SCGB3A1: variants seen among roughly 807,000 people sequenced by gnomAD.
SCGB3A1 encodes the protein secretoglobin family 3A member 1, also known as cytokine HIN-1.
Under a neutral mutation model 7.6 loss-of-function variants are expected in SCGB3A1, and 7 were observed. The ratio of observed to expected loss-of-function variants is 0.93; its 90% CI spans 0.53 to 1.74. SCGB3A1 has a LOEUF of 1.74. SCGB3A1 is among the 40% of genes most tolerant of loss of function. The probability of loss-of-function intolerance (pLI) is 0.00; values close to 1 mark genes in which losing one functional copy is unlikely to be tolerated. For missense variants in SCGB3A1, 119 were observed against 129.0 expected (o/e 0.92, Z 0.38); for synonymous variants, 67 against 66.6 (o/e 1.01, Z -0.03).
At chr5:180,590,921 C>T in intron 1 of SCGB3A1, 83 bp from the exon 2 acceptor site, 6 of 1,036,416 alleles carry the variant, frequency 5.8e-6, no homozygotes, top group Non-Finnish European at 4.1e-6. Context: ...GCGGGAGGCG[C>T]CCAGGAACCG....
intron 1 of SCGB3A1, chr5:180,591,158 C>A (rs1355463398): frequency 4.9e-6 from 2 of 405,562 alleles, no homozygotes; most frequent in African/African-American, 4.2e-5. Context: ...GATGAGGAGC[C>A]GGTCTCCAGA....
rs1561676977 is a variant in SCGB3A1 at position 180,590,134 on chromosome 5, CG to C, written c.*96del. The C allele has an allele frequency of 3.0e-6, 4 of 1,350,014 alleles. No homozygotes were observed. The highest frequency in any genetic ancestry group is 4.2e-6 in the Non-Finnish European group (4 of 962,934). The allele number at this position is 1,350,014 out of a possible 1,614,324, so 83.6% of individuals were successfully genotyped here. A position where few individuals can be genotyped will look rare whatever the true frequency, so the allele number is the denominator to read the frequency against. The stretch of plus-strand genomic sequence containing the variant: ...CTTAACCACGTTTATTGAGAGGGGC[CG>C]GGGGAAGGGGATGGACGGTCCTCCC... On this transcript the variant is annotated 3_prime_UTR_variant, in exon 3 of 3. Transcript: ENST00000292641.
At chr5:180,590,319 G>T in intron 2 of SCGB3A1, 65 bp from the exon 3 acceptor site, 1 of 1,545,102 alleles carries the variant, frequency 6.5e-7, no homozygotes. Flanking sequence ...GCGGGGGCGC[G>T]GCAGCGGCCG....
At chr5:180,591,244 G>A in intron 1 of SCGB3A1, 167 bp downstream of exon 1, 1 of 467,916 alleles carries the variant, frequency 2.1e-6, no homozygotes, top group Non-Finnish European at 3.4e-6. Flanking sequence ...CCTGAGAGGG[G>A]GAGGCCGCGG....
Position 180,590,106 on chromosome 5 carries a change from G to T in SCGB3A1, c.*125C>A. 2.7e-6 allele frequency: 3 copies of T among 1,110,424 alleles called. No individual in the cohort carries two copies. The highest frequency in any genetic ancestry group is 2.0e-5 in the Admixed American group (1 of 49,932). 68.8% of individuals were successfully genotyped at this position (1,110,424 alleles called of 1,614,324 possible). ...GATGAGAAAATACCAGGCTCGAGCT[G>T]CTCTTAACCACGTTTATTGAGAGGG... On this transcript the variant is annotated 3_prime_UTR_variant, in exon 3 of 3. Coordinates refer to ENST00000292641, the MANE Select transcript of SCGB3A1 (RefSeq NM_052863.3).
chr5:180,591,267 G>GA lies in SCGB3A1; in HGVS notation c.52+143_52+144insT, dbSNP rs1400256674. 9.5e-6 allele frequency: 6 copies of GA among 631,570 alleles called. No homozygotes were observed. The East Asian group carries it at 1.9e-4, about 20-fold the overall frequency. The allele number at this position is 631,570 out of a possible 1,614,324, so 39.1% of individuals were successfully genotyped here. On this transcript the variant is annotated intron_variant, in intron 1 of 2. Coordinates refer to ENST00000292641, the MANE Select transcript of SCGB3A1 (RefSeq NM_052863.3). Reference sequence around the variant, plus strand: ...GGGGAGGCCGCGGGCTGCAGGCGCGGGGCCCCGGGGTGGCGGAGCCCTCTG... The same window carrying GA: ...GGGGAGGCCGCGGGCTGCAGGCGCGGAGGCCCCGGGGTGGCGGAGCCCTCTG...
chr5:180,591,027 CCCG>C (rs1554106025), intron 1 of SCGB3A1, 189 bp from the exon 2 acceptor site: 1 of 532,752 alleles, frequency 1.9e-6, no homozygotes, highest in Non-Finnish European at 3.2e-6. Flanking sequence ...GGGAGGCGGC[CCCG>C]CCAGGAGACG....
intron 1 of SCGB3A1, 161 bp from the exon 2 acceptor site, chr5:180,590,999 G>A (rs998413178): frequency 3.5e-6 from 2 of 571,104 alleles, no homozygotes; most frequent in South Asian, 2.4e-5. Flanking sequence ...GCGAGCCCCC[G>A]GGACACAGGC....
intron 2 of SCGB3A1, 112 bp downstream of exon 2, chr5:180,590,488 G>A: frequency 1.0e-6 from 1 of 975,346 alleles, no homozygotes; most frequent in Non-Finnish European, 1.5e-6. Context: ...GGGCTTGGAG[G>A]GGCAGGACGG....
chr5:180,590,732 G>A lies in SCGB3A1; in HGVS notation c.159C>T (p.Thr53=). 1 of 1,582,034 alleles carries A rather than the reference G, an allele frequency of 6.3e-7. No homozygotes were observed. The highest frequency in any genetic ancestry group is 8.6e-7 in the Non-Finnish European group (1 of 1,164,378). Residue 53 remains threonine (T), a synonymous_variant, in exon 2 of 3, where the codon ACC becomes ACT. Coordinates refer to ENST00000292641, the MANE Select transcript of SCGB3A1 (RefSeq NM_052863.3). ...GAGTLANPLG[T]LNPLKLLLSS... is the part of the protein sequence containing the mutation. ...TCAGCAGGAGCTTCAGCGGGTTGAG[G>A]GTGCCGAGGGGGTTGGCCAGGGTCC... is the stretch of plus-strand genomic sequence containing the variant.
intron 2 of SCGB3A1, 70 bp from the exon 3 acceptor site, chr5:180,590,324 C>A: frequency 6.5e-7 from 1 of 1,544,770 alleles, no homozygotes; most frequent in Non-Finnish European, 8.8e-7. Flanking sequence ...GGCGCGGCAG[C>A]GGCCGGCTCT....
chr5:180,590,540 T>G lies in SCGB3A1; in HGVS notation c.291+60A>C, dbSNP rs1268626082. On this transcript the variant is annotated intron_variant, in intron 2 of 2. Transcript: ENST00000292641. ...AGGGCCGGGACACCTCTGGTGCAGT[T>G]TTGAGGCTGGCCGGGAAGGGATGCC... 3.6e-6 allele frequency: 5 copies of G among 1,393,966 alleles called. No homozygotes were observed. In the African/African-American group the frequency reaches 4.3e-5, roughly 12 times the overall value. The allele number at this position is 1,393,966 out of a possible 1,614,324, so 86.3% of individuals were successfully genotyped here. A position where few individuals can be genotyped will look rare whatever the true frequency, so the allele number is the denominator to read the frequency against.
chr5:180,590,490 G>C (rs115209163), intron 2 of SCGB3A1, 110 bp downstream of exon 2: 20,672 of 988,908 alleles, frequency 0.021, 445 homozygotes, highest in East Asian at 0.095. Context: ...GCTTGGAGGG[G>C]CAGGACGGGA....
intron 1 of SCGB3A1, 69 bp downstream of exon 1, chr5:180,591,342 G>A (rs1007570526): frequency 1.2e-4 from 141 of 1,141,600 alleles, no homozygotes; most frequent in South Asian, 4.0e-4. Context: ...GGCGCAGGCA[G>A]CGGCGGGGGC....
At chr5:180,591,300 G>A (rs1761311466) in intron 1 of SCGB3A1, 111 bp downstream of exon 1, 2 of 940,442 alleles carry the variant, frequency 2.1e-6, no homozygotes, top group African/African-American at 1.7e-5. Flanking sequence ...CTGGGCGCCG[G>A]GCGAGGCTGG....
chr5:180,590,199 T>C lies in SCGB3A1; in HGVS notation c.*32A>G. 1.3e-6 allele frequency: 2 copies of C among 1,576,668 alleles called. No homozygotes were observed. Among genetic ancestry groups the C allele is most frequent in the Non-Finnish European group, 1.7e-6 (2 of 1,160,916 alleles). On this transcript the variant is annotated 3_prime_UTR_variant, in exon 3 of 3. Transcript: ENST00000292641. Reference sequence around the variant, plus strand: ...TCAGCCCTCGCGGGTGGGCAGCGTCTTGTCCTCAGGTGTAGATGCTCCAGT... The same window carrying C: ...TCAGCCCTCGCGGGTGGGCAGCGTCCTGTCCTCAGGTGTAGATGCTCCAGT...
At chr5:180,590,521 G>T in intron 2 of SCGB3A1, 79 bp downstream of exon 2, 1 of 1,191,806 alleles carries the variant, frequency 8.4e-7, no homozygotes, top group East Asian at 2.4e-5. Context: ...ACGTAGGGCC[G>T]GGACACCTCT....
At position 180,590,924 on chromosome 5, in the gene SCGB3A1, A is replaced by G. The variant is rs528151303; in HGVS notation, c.53-86T>C. The G allele has an allele frequency of 1.2e-5, 12 of 1,010,634 alleles. No individual in the cohort carries two copies. In the South Asian group the frequency reaches 2.1e-4, roughly 17 times the overall value. 62.6% of individuals were successfully genotyped at this position (1,010,634 alleles called of 1,614,324 possible). A position where few individuals can be genotyped will look rare whatever the true frequency, so the allele number is the denominator to read the frequency against. ...GGACGCGCCCCCGCGGGAGGCGCCC[A>G]GGAACCGTCGCGCCCTGCCCGGCTC... is the stretch of plus-strand genomic sequence containing the variant. On this transcript the variant is annotated intron_variant, in intron 1 of 2. Coordinates refer to ENST00000292641, the MANE Select transcript of SCGB3A1 (RefSeq NM_052863.3).
In SCGB3A1 at chr5:180,591,397, C is replaced by G. The variant is rs1187963994; in HGVS notation, c.52+14G>C. 1 of 1,224,432 alleles carries G rather than the reference C, an allele frequency of 8.2e-7. No homozygotes were observed. The highest frequency in any genetic ancestry group is 4.3e-5 in the Admixed American group (1 of 23,396). 75.8% of individuals were successfully genotyped at this position (1,224,432 alleles called of 1,614,324 possible). ...CAGGCCCCACCGTGCGCGCCAGGAG[C>G]CCGGGGCGCTCACCGGAGCTGCAGG... On this transcript the variant is annotated intron_variant, in intron 1 of 2. Coordinates refer to ENST00000292641, the MANE Select transcript of SCGB3A1 (RefSeq NM_052863.3).
Sources: gnomAD v4.1 joint callset for allele counts on GRCh38, gnomAD v4.1.1 for gene constraint, MANE v1.5 for transcripts, NCBI Gene and HGNC (gene_info 2026-07-23, HGNC 2026-07-21) for gene names.